The following MYO3B variants were observed in gnomAD, a reference collection of about 807,000 sequenced individuals.
The protein encoded by MYO3B is myosin IIIB.
Under a neutral mutation model 174.6 loss-of-function variants are expected in MYO3B, and 156 were observed. The ratio of observed to expected loss-of-function variants is 0.89; its 90% CI spans 0.78 to 1.02. The LOEUF (loss-of-function observed/expected upper bound fraction) is 1.02, where lower values mean the gene tolerates loss of function less well. MYO3B is among the 50% of genes least tolerant of loss of function. The probability of loss-of-function intolerance (pLI) is 0.00; values close to 1 mark genes in which losing one functional copy is unlikely to be tolerated. For missense variants in MYO3B, 1,632 were observed against 1,639.4 expected (o/e 1.00, Z 0.08); for synonymous variants, 563 against 569.1 (o/e 0.99, Z 0.15).
chr2:170,377,871 C>T (rs1161269407), intron 9 of MYO3B, among the ~76,000 whole-genome samples: 5 of 152,152 alleles, frequency 3.3e-5, no homozygotes. Flanking sequence ...ATTCATTTAT[C>T]TATGTCTCCA....
intron 23 of MYO3B, among the ~76,000 whole-genome samples, chr2:170,460,908 C>T (rs1475293193): frequency 1.3e-5 from 2 of 151,988 alleles, no homozygotes; most frequent in Admixed American, 1.3e-4. Flanking sequence ...AAGAGTATTC[C>T]TTTTAAATTG....
intron 32 of MYO3B, among the ~76,000 whole-genome samples, chr2:170,574,598 T>A (rs1375200710): frequency 6.6e-6 from 1 of 152,164 alleles, no homozygotes; most frequent in African/African-American, 2.4e-5. Context: ...AACGCAAGGA[T>A]GAAATACTCT....
rs145327879 is a variant in MYO3B, at chr2:170,413,668, G to A, written c.2650+5824G>A. 4.0e-5 allele frequency among the ~76,000 whole-genome samples: 6 copies of A among 151,444 alleles called. No homozygotes were observed. In the East Asian group the frequency reaches 1.2e-3, roughly 29 times the overall value. On this transcript the variant is annotated intron_variant, in intron 22 of 34. Transcript: ENST00000408978. ...TAGGATCCAGTTTGAGTAAATTTCT[G>A]TATAAAATGTAAGGTTAAGATGTTT...
At chr2:170,597,158 G>A (rs1694204291) in intron 32 of MYO3B, among the ~76,000 whole-genome samples, 1 of 152,012 alleles carries the variant, frequency 6.6e-6, no homozygotes, top group South Asian at 2.1e-4. Context: ...CCTTGAAAGA[G>A]ACCCTGCCTC....
intron 7 of MYO3B, among the ~76,000 whole-genome samples, chr2:170,301,643 G>A (rs1016674755): frequency 6.6e-6 from 1 of 152,158 alleles, no homozygotes; most frequent in Non-Finnish European, 1.5e-5. Context: ...CAATGGCTGG[G>A]AGTAGATGGG....
At chr2:170,323,934 A>G (rs2093846880) in intron 7 of MYO3B, among the ~76,000 whole-genome samples, 1 of 152,074 alleles carries the variant, frequency 6.6e-6, no homozygotes, top group Non-Finnish European at 1.5e-5. Flanking sequence ...CCTTTGGCTG[A>G]CTCCCTATCT....
chr2:170,276,707 A>G (rs1417532881), intron 7 of MYO3B, among the ~76,000 whole-genome samples: 1 of 152,188 alleles, frequency 6.6e-6, no homozygotes, highest in African/African-American at 2.4e-5. Flanking sequence ...CCTGCCTAAT[A>G]TAATCAGTTA....
rs372669963 is a variant in MYO3B, at chr2:170,495,607, G to A, written c.3015-2985G>A. Among the ~76,000 whole-genome samples the A allele has an allele frequency of 4.5e-4, 67 of 150,234 alleles. 1 individual carries two copies. The highest frequency in any genetic ancestry group is 1.4e-3 in the African/African-American group (57 of 41,112). ...AAAAAAAAAACACCCACAGATGTCC[G>A]AAAAATAAGTATAAATCTTTGATTG... On this transcript the variant is annotated intron_variant, in intron 25 of 34. Transcript: ENST00000408978.
In MYO3B at chr2:170,414,835, T is replaced by C. The variant is rs561571835; in HGVS notation, c.2650+6991T>C. The stretch of plus-strand genomic sequence containing the variant: ...AATGAAGTATTTCAGTTTATAGAAC[T>C]AGTATAAATGGGTTTTTTATTTTGA... On this transcript the variant is annotated intron_variant, in intron 22 of 34. Transcript: ENST00000408978. Among the ~76,000 whole-genome samples the C allele has an allele frequency of 3.9e-5, 6 of 152,374 alleles. No individual in the cohort carries two copies. The East Asian group carries it at 1.2e-3, about 29-fold the overall frequency.
chr2:170,328,161 C>A (rs1361298285), intron 7 of MYO3B, among the ~76,000 whole-genome samples: 1 of 152,076 alleles, frequency 6.6e-6, no homozygotes, highest in African/African-American at 2.4e-5. Flanking sequence ...CTCAGCCTCT[C>A]AAAGTGCTAG....
chr2:170,242,269 T>A (rs1421161530), intron 7 of MYO3B, among the ~76,000 whole-genome samples: 1 of 152,246 alleles, frequency 6.6e-6, no homozygotes, highest in East Asian at 1.9e-4. Context: ...AAAAAAGTTT[T>A]AAAATATTCC....
chr2:170,323,805 A>G (rs895707518), intron 7 of MYO3B, among the ~76,000 whole-genome samples: 1 of 152,200 alleles, frequency 6.6e-6, no homozygotes, highest in Non-Finnish European at 1.5e-5. Flanking sequence ...TGTTATTATT[A>G]TCATGAATGA....
At chr2:170,397,361 C>T (rs923803336) in intron 16 of MYO3B, among the ~76,000 whole-genome samples, 7 of 152,106 alleles carry the variant, frequency 4.6e-5, no homozygotes, top group Non-Finnish European at 7.3e-5. Flanking sequence ...GTCCAGTGAC[C>T]GTTCCTATTC....
intron 23 of MYO3B, among the ~76,000 whole-genome samples, chr2:170,461,662 G>A (rs1464274076): frequency 1.3e-5 from 2 of 151,798 alleles, no homozygotes; most frequent in African/African-American, 4.8e-5. Context: ...TGTAATCCCA[G>A]CTACTCGGGA....
At chr2:170,561,571 A>C (rs1198027059) in intron 32 of MYO3B, among the ~76,000 whole-genome samples, 1 of 152,214 alleles carries the variant, frequency 6.6e-6, no homozygotes, top group African/African-American at 2.4e-5. Flanking sequence ...AATCCTTAAT[A>C]CCTTCATGTT....
At chr2:170,594,906 A>G (rs547625034) in intron 32 of MYO3B, among the ~76,000 whole-genome samples, 98 of 151,888 alleles carry the variant, frequency 6.5e-4, no homozygotes, top group African/African-American at 2.2e-3. Flanking sequence ...GGCAACTACC[A>G]GGTACAGAAG....
At chr2:170,278,502 G>A (rs1260322270) in intron 7 of MYO3B, among the ~76,000 whole-genome samples, 7 of 152,012 alleles carry the variant, frequency 4.6e-5, no homozygotes, top group Non-Finnish European at 7.4e-5. Context: ...CAGAATATTT[G>A]TGCATATATT....
intron 25 of MYO3B, among the ~76,000 whole-genome samples, chr2:170,473,261 G>T (rs539789095): frequency 6.8e-6 from 1 of 147,134 alleles, no homozygotes; most frequent in African/African-American, 2.5e-5. Context: ...TCCTATCTCA[G>T]CCTCCCGAGT....
intron 7 of MYO3B, among the ~76,000 whole-genome samples, chr2:170,278,944 A>G (rs2093484324): frequency 6.6e-6 from 1 of 152,174 alleles, no homozygotes; most frequent in Non-Finnish European, 1.5e-5. Context: ...TGCTACTGCA[A>G]GTGACAGGAT....
Sources: allele counts gnomAD v4.1 joint callset (sites outside exome capture counted in the v4.1 genomes callset), GRCh38; gene constraint gnomAD v4.1.1; transcripts MANE v1.5; gene names NCBI Gene and HGNC (gene_info 2026-07-23, HGNC 2026-07-21).